NPTX2: variants seen among roughly 807,000 people sequenced by gnomAD.
The protein encoded by NPTX2 is neuronal pentraxin 2, also known as neuronal pentraxin-2.
A neutral mutation model predicts 38.1 loss-of-function variants in NPTX2; 23 were observed. That is an observed-to-expected ratio of 0.60 (90% confidence interval 0.43 to 0.85). The LOEUF (loss-of-function observed/expected upper bound fraction) is 0.85, where lower values mean the gene tolerates loss of function less well. Ranked by LOEUF, NPTX2 falls within the 40% of genes least tolerant of loss-of-function variation. The pLI, the probability that NPTX2 is intolerant of heterozygous loss-of-function variation, is 0.00. For synonymous variants in NPTX2, 291 were observed against 287.3 expected (o/e 1.01, Z -0.13); for missense variants, 553 against 615.3 (o/e 0.90, Z 1.07).
Position 98,625,116 on chromosome 7 carries a change from G to A in NPTX2, c.838G>A (p.Val280Met), listed in dbSNP as rs200042990. ...GGTGCCAGGGCAGGCCAACGAGATCGTGCTGATCGAGTGGGGCAACAACCC... is the reference window on the plus strand; with the variant it reads ...GGTGCCAGGGCAGGCCAACGAGATCATGCTGATCGAGTGGGGCAACAACCC... ...YAVPGQANEIVLIEWGNNPIE... is the reference protein window; with the variant it reads ...YAVPGQANEIMLIEWGNNPIE... Residue 280 changes from valine to methionine, a missense_variant, in exon 3 of 5, where the codon GTG (valine) becomes ATG (methionine). Val to Met is a conservative substitution (Grantham distance 21). Transcript: ENST00000265634. The A allele has an allele frequency of 6.2e-6, 10 of 1,609,366 alleles. No homozygotes were observed. In the Admixed American group the frequency reaches 6.7e-5, roughly 11 times the overall value.
chr7:98,628,383 T>G lies in NPTX2; in HGVS notation c.1069-19T>G. The G allele has an allele frequency of 7.4e-7, 1 of 1,351,972 alleles. No homozygotes were observed. The allele number at this position is 1,351,972 out of a possible 1,614,324, so 83.7% of individuals were successfully genotyped here. A position where few individuals can be genotyped will look rare whatever the true frequency, so the allele number is the denominator to read the frequency against. On this transcript the variant is annotated intron_variant, in intron 4 of 4. Transcript: ENST00000265634. The stretch of plus-strand genomic sequence containing the variant: ...TTGTGAACCAGCCCTGACGCAGCTC[T>G]CTTGTTCCCATTCCCCAGGACACCG...
In NPTX2 at chr7:98,624,852, C is replaced by T. The variant is rs116257381; in HGVS notation, c.644-70C>T. The T allele has an allele frequency of 1.2e-3, 1,822 of 1,552,786 alleles. 15 individuals carry two copies. In the African/African-American group the frequency reaches 0.022, roughly 19 times the overall value. On this transcript the variant is annotated intron_variant, in intron 2 of 4. Coordinates refer to ENST00000265634, the MANE Select transcript of NPTX2 (RefSeq NM_002523.3). Reference sequence around the variant, plus strand: ...TTCTTGTGGGTCTAGCAAGATGTGGCTCTGGGCCGTGCTGGTGGGTGGTGG... The same window carrying T: ...TTCTTGTGGGTCTAGCAAGATGTGGTTCTGGGCCGTGCTGGTGGGTGGTGG...
chr7:98,624,285 G>A (rs1307069412), intron 2 of NPTX2, among the ~76,000 whole-genome samples: 3 of 152,090 alleles, frequency 2.0e-5, no homozygotes, highest in African/African-American at 7.2e-5. Flanking sequence ...TAGAGACAGG[G>A]TCTTGCTATG....
intron 2 of NPTX2, among the ~76,000 whole-genome samples, chr7:98,623,658 T>C (rs371800563): frequency 2.6e-5 from 4 of 152,302 alleles, no homozygotes; most frequent in African/African-American, 9.6e-5. Context: ...TTGAGTTAAG[T>C]TATGGAGTCA....
rs1167640790 is a variant in NPTX2, at chr7:98,619,840, G to C, written c.624G>C (p.Arg208Ser). The change falls in exon 2 of 5, where the codon AGG (arginine) becomes AGC (serine). Residue 208 changes from arginine (R) to serine (S), a missense_variant. Transcript: ENST00000265634. ...GCACCCTGAACGCGCTGCTGCAGAG[G>C]GTCACCGAGCTGGAGCGAGGTGTGT... ...TESTLNALLQ[R>S]VTELERGNSA... 2 of 1,613,894 alleles carry C rather than the reference G, an allele frequency of 1.2e-6. No individual in the cohort carries two copies. The highest frequency in any genetic ancestry group is 8.5e-7 in the Non-Finnish European group (1 of 1,180,000).
chr7:98,619,983 T>G, intron 2 of NPTX2, 124 bp downstream of exon 2: 1 of 816,904 alleles, frequency 1.2e-6, no homozygotes, highest in Non-Finnish European at 2.0e-6. Context: ...TTCCCGAGTG[T>G]GTGAGCAAAT....
intron 4 of NPTX2, among the ~76,000 whole-genome samples, chr7:98,627,877 C>T (rs1169875440): frequency 6.6e-6 from 1 of 152,152 alleles, no homozygotes; most frequent in Non-Finnish European, 1.5e-5. Flanking sequence ...GGTGCTCAGC[C>T]TGTGGGGGAG....
chr7:98,617,644 C>G lies in NPTX2; in HGVS notation c.183C>G (p.Ala61=). 1.3e-6 allele frequency: 2 copies of G among 1,489,328 alleles called. No individual in the cohort carries two copies. Among genetic ancestry groups the G allele is most frequent in the Non-Finnish European group, 1.8e-6 (2 of 1,128,172 alleles). The allele number at this position is 1,489,328 out of a possible 1,614,324, so 92.3% of individuals were successfully genotyped here. Residue 61 remains alanine, a synonymous_variant, in exon 1 of 5, where the codon GCC becomes GCG. Coordinates refer to ENST00000265634, the MANE Select transcript of NPTX2 (RefSeq NM_002523.3). ...GAQSPEEELR[A]AVLQLRETVV... ...AGAGTCCCGAGGAGGAGCTGAGGGC[C>G]GCGGTGCTGCAGCTGCGCGAGACCG... is the stretch of plus-strand genomic sequence containing the variant.
intron 1 of NPTX2, among the ~76,000 whole-genome samples, chr7:98,618,595 T>TCCCCCCCCCC (rs1221869556): frequency 2.3e-3 from 66 of 29,104 alleles, no homozygotes; most frequent in Middle Eastern, 0.028. Flanking sequence ...TCCCCCTCCG[T>TCCCCCCCCCC]CCCCCCCCCC....
Position 98,628,410 on chromosome 7 carries a change from G to A in NPTX2, c.1077G>A (p.Val359=), listed in dbSNP as rs142543231. The A allele has an allele frequency of 1.3e-5, 21 of 1,581,400 alleles. No homozygotes were observed. The highest frequency in any genetic ancestry group is 9.0e-5 in the East Asian group (4 of 44,662). The change falls in exon 5 of 5, where the codon GTG becomes GTA. Residue 359 remains valine (V), a synonymous_variant. Coordinates refer to ENST00000265634, the MANE Select transcript of NPTX2 (RefSeq NM_002523.3). ...VLILGQEQDT[V]GGRFDATQAF... ...TTGTTCCCATTCCCCAGGACACCGT[G>A]GGGGGTAGGTTTGATGCCACTCAGG...
rs1415325870 is a variant in NPTX2 at position 98,626,272 on chromosome 7, G to A, written c.889-893G>A. The stretch of plus-strand genomic sequence containing the variant: ...AAAAGAACATTCTCAGAACCTGTCC[G>A]GATTTGGGCATTTGAGTGGCTACGC... On this transcript the variant is annotated intron_variant, in intron 3 of 4. Transcript: ENST00000265634. Among the ~76,000 whole-genome samples the A allele has an allele frequency of 2.6e-5, 4 of 151,930 alleles. No individual in the cohort carries two copies. The East Asian group carries it at 5.8e-4, about 22-fold the overall frequency.
intron 2 of NPTX2, chr7:98,620,077 G>C (rs1791249721): frequency 1.7e-6 from 1 of 584,936 alleles, no homozygotes; most frequent in Non-Finnish European, 3.1e-6. Flanking sequence ...AAGTGTCCAG[G>C]ACCAGCTTCG....
rs375792624 is a variant in NPTX2, at chr7:98,628,309, A to G, written c.1069-93A>G. On this transcript the variant is annotated intron_variant, in intron 4 of 4. Coordinates refer to ENST00000265634, the MANE Select transcript of NPTX2 (RefSeq NM_002523.3). ...GTAGTGTTGGTCAGAGCTGGGGGGCATCAGAGAAATGCCCAAATCTCCTGT... is the reference window on the plus strand; with the variant it reads ...GTAGTGTTGGTCAGAGCTGGGGGGCGTCAGAGAAATGCCCAAATCTCCTGT... 5.2e-5 allele frequency: 34 copies of G among 650,552 alleles called. No homozygotes were observed. In the African/African-American group the frequency reaches 5.6e-4, roughly 11 times the overall value. The allele number at this position is 650,552 out of a possible 1,614,324, so 40.3% of individuals were successfully genotyped here.
chr7:98,624,860 C>G, intron 2 of NPTX2, 62 bp from the exon 3 acceptor site: 1 of 1,562,762 alleles, frequency 6.4e-7, no homozygotes, highest in Non-Finnish European at 8.7e-7. Flanking sequence ...GGCTCTGGGC[C>G]GTGCTGGTGG....
At chr7:98,627,092 TC>T in intron 3 of NPTX2, 72 bp from the exon 4 acceptor site, 2 of 1,039,044 alleles carry the variant, frequency 1.9e-6, no homozygotes, top group Non-Finnish European at 2.9e-6. Flanking sequence ...GGGGTGTCCT[TC>T]CTGCTTCCTG....
intron 4 of NPTX2, 96 bp downstream of exon 4, chr7:98,627,440 A>G: frequency 4.0e-6 from 4 of 998,062 alleles, no homozygotes; most frequent in Non-Finnish European, 6.0e-6. Flanking sequence ...GGAGGGGCCA[A>G]CTGAGCAGCA....
chr7:98,619,170 A>G (rs941487279), intron 1 of NPTX2, among the ~76,000 whole-genome samples: 2 of 152,302 alleles, frequency 1.3e-5, no homozygotes, highest in Non-Finnish European at 2.9e-5. Context: ...AACGTTTTAG[A>G]TCTGTCATTT....
intron 3 of NPTX2, among the ~76,000 whole-genome samples, chr7:98,625,515 G>C (rs906093044): frequency 1.3e-5 from 2 of 152,132 alleles, no homozygotes; most frequent in South Asian, 4.1e-4. Flanking sequence ...CTGATTAAGG[G>C]GGTGTGTGTG....
At position 98,617,904 on chromosome 7, in the gene NPTX2, A is replaced by G; in HGVS notation, c.426+17A>G. 6.5e-7 allele frequency: 1 copy of G among 1,539,352 alleles called. No individual in the cohort carries two copies. Among genetic ancestry groups the G allele is most frequent in the Admixed American group, 2.0e-5 (1 of 50,606 alleles). ...AGCCTCGAGGTAGCGGCCCGCGGGGAGCGCGGGGGACCTGGAATGGGGACG... is the reference window on the plus strand; with the variant it reads ...AGCCTCGAGGTAGCGGCCCGCGGGGGGCGCGGGGGACCTGGAATGGGGACG... On this transcript the variant is annotated intron_variant, in intron 1 of 4. Transcript: ENST00000265634.
Sources: allele counts gnomAD v4.1 joint callset (sites outside exome capture counted in the v4.1 genomes callset), GRCh38; gene constraint gnomAD v4.1.1; transcripts MANE v1.5; gene names NCBI Gene and HGNC (gene_info 2026-07-23, HGNC 2026-07-21).